Variants in MKRN2OS observed in about 807,000 individuals in gnomAD.
MKRN2OS encodes MKRN2 opposite strand, also known as MKRN2 opposite strand protein.
A neutral mutation model predicts 18.2 loss-of-function variants in MKRN2OS; 17 were observed. The observed-to-expected ratio is 0.93, with a 90% CI of 0.64 to 1.40. The LOEUF is 1.40. MKRN2OS is among the 40% of genes most tolerant of loss of function. The pLI is 0.00. For synonymous variants in MKRN2OS, 121 were observed against 108.5 expected, an observed-to-expected ratio of 1.12 and a Z score of -0.72; for missense variants, 337 against 283.0, an observed-to-expected ratio of 1.19 and a Z score of -1.37.
upstream of MKRN2OS, among the ~76,000 whole-genome samples, chr3:12,548,171 G>A (rs1301414448): frequency 4.6e-5 from 7 of 152,092 alleles, no homozygotes; most frequent in South Asian, 6.2e-4. Flanking sequence ...TTAGCCGGTC[G>A]GGCGCGGTGG....
At chr3:12,544,283 C>G (rs1174088563) in intron 1 of MKRN2OS, among the ~76,000 whole-genome samples, 2 of 152,142 alleles carry the variant, frequency 1.3e-5, no homozygotes, top group Non-Finnish European at 2.9e-5. Flanking sequence ...GAACATATTT[C>G]CTAAAGCATA....
chr3:12,550,039 A>G (rs1331802952), upstream of MKRN2OS, among the ~76,000 whole-genome samples: 1 of 152,214 alleles, frequency 6.6e-6, no homozygotes, highest in Non-Finnish European at 1.5e-5. Context: ...CTGCCAGTTT[A>G]TTACAAAACT....
chr3:12,560,929 C>G (rs544293856), exon 1 of MKRN2OS: 55 of 152,282 alleles, frequency 3.6e-4, no homozygotes, highest in African/African-American at 1.3e-3. Flanking sequence ...GGAGTAAGAT[C>G]AGTATAACAT....
At position 12,545,474 on chromosome 3, in the gene MKRN2OS, C is replaced by G; in HGVS notation, c.-10G>C. ...CCTCTGCGCAGTGCATAGCTTTCGC[C>G]TCCTGGAATGCTAGGGGAGGTTTCC... On this transcript the variant is annotated 5_prime_UTR_variant, in exon 1 of 4. Coordinates refer to ENST00000564146, the MANE Select transcript of MKRN2OS (RefSeq NM_001195279.2). 6.7e-7 allele frequency: 1 copy of G among 1,501,052 alleles called. No homozygotes were observed. Among genetic ancestry groups the G allele is most frequent in the Non-Finnish European group, 8.9e-7 (1 of 1,126,728 alleles). 93.0% of individuals were successfully genotyped at this position (1,501,052 alleles called of 1,614,324 possible). A position where few individuals can be genotyped will look rare whatever the true frequency, so the allele number is the denominator to read the frequency against.
At chr3:12,557,106 C>T in intron 1 of MKRN2OS, 2 of 1,487,810 alleles carry the variant, frequency 1.3e-6, no homozygotes, top group Non-Finnish European at 1.8e-6. Flanking sequence ...GCGGCAGCGG[C>T]TGCGAGAGGC....
At position 12,545,430 on chromosome 3, in the gene MKRN2OS, T is replaced by G; in HGVS notation, c.35A>C (p.Lys12Thr). ...HCAEAGKALI[K>T]FNHCEKYIYS... The stretch of plus-strand genomic sequence containing the variant: ...GATGTATTTCTCACAGTGGTTGAAT[T>G]TAATTAAAGCCTTCCCAGCCTCTGC... The change falls in exon 1 of 4, where the codon AAA becomes ACA. Residue 12 changes from lysine to threonine, a missense_variant. Transcript: ENST00000564146. The G allele has an allele frequency of 6.5e-7, 1 of 1,534,780 alleles. No individual in the cohort carries two copies. The highest frequency in any genetic ancestry group is 8.7e-7 in the Non-Finnish European group (1 of 1,146,428).
chr3:12,552,819 T>C (rs542417391), downstream of MKRN2OS, among the ~76,000 whole-genome samples: 21 of 151,840 alleles, frequency 1.4e-4, no homozygotes, highest in Non-Finnish European at 2.1e-4. Flanking sequence ...GCTCAGGAGT[T>C]TGAAACCAGC....
intron 1 of MKRN2OS, among the ~76,000 whole-genome samples, chr3:12,555,311 CAAAAAA>C (rs35617395): frequency 2.0e-5 from 2 of 98,356 alleles, no homozygotes. Context: ...GACTCCGTCT[CAAAAAA>C]AAAAAAAAAA....
At chr3:12,554,828 A>G (rs927380481) in intron 1 of MKRN2OS, among the ~76,000 whole-genome samples, 1 of 152,198 alleles carries the variant, frequency 6.6e-6, no homozygotes, top group Non-Finnish European at 1.5e-5. Flanking sequence ...AAAGATGTAT[A>G]CAAATTTGAT....
At chr3:12,544,581 C>T (rs1254214449) in intron 1 of MKRN2OS, among the ~76,000 whole-genome samples, 5 of 151,734 alleles carry the variant, frequency 3.3e-5, no homozygotes, top group Non-Finnish European at 1.5e-5. Context: ...GAGCCTGAGG[C>T]AGGCTCCCGA....
intron 1 of MKRN2OS, among the ~76,000 whole-genome samples, chr3:12,544,869 C>T (rs1270388438): frequency 3.3e-5 from 5 of 152,202 alleles, no homozygotes; most frequent in African/African-American, 1.2e-4. Flanking sequence ...GCCCGTTCAT[C>T]GGGCCCTGTA....
At chr3:12,558,224 C>T (rs1011778057) in intron 1 of MKRN2OS, among the ~76,000 whole-genome samples, 1 of 152,176 alleles carries the variant, frequency 6.6e-6, no homozygotes, top group African/African-American at 2.4e-5. Flanking sequence ...TGTACATTTA[C>T]TGTTCAATTT....
chr3:12,546,575 A>ATTTTTTTTTTTTTTTTTTT (rs1160434615), upstream of MKRN2OS, among the ~76,000 whole-genome samples: 13 of 97,102 alleles, frequency 1.3e-4, 1 homozygote, highest in African/African-American at 6.1e-4. Flanking sequence ...GGTACATGGG[A>ATTTTTTTTTTTTTTTTTTT]TTTTTTTTTT....
Position 12,543,244 on chromosome 3 carries a change from G to GT in MKRN2OS, c.219-16dup. 6.6e-7 allele frequency: 1 copy of GT among 1,522,364 alleles called. No homozygotes were observed. Among genetic ancestry groups the GT allele is most frequent in the Admixed American group, 2.1e-5 (1 of 48,346 alleles). The allele number at this position is 1,522,364 out of a possible 1,614,324, so 94.3% of individuals were successfully genotyped here. A position where few individuals can be genotyped will look rare whatever the true frequency, so the allele number is the denominator to read the frequency against. The stretch of plus-strand genomic sequence containing the variant: ...CATCATACTCTCTGAAAGAAACAAG[G>GT]TTTGTTTTTTTTTGGTTTGCATGTA... On this transcript the variant is annotated splice_polypyrimidine_tract_variant and intron_variant, in intron 1 of 3. Coordinates refer to ENST00000564146, the MANE Select transcript of MKRN2OS (RefSeq NM_001195279.2).
chr3:12,548,064 C>T (rs2057899544), upstream of MKRN2OS, among the ~76,000 whole-genome samples: 1 of 152,184 alleles, frequency 6.6e-6, no homozygotes, highest in Non-Finnish European at 1.5e-5. Flanking sequence ...AATCCCAGCA[C>T]TTTGGGAGGC....
At chr3:12,550,756 C>G (rs936239932), downstream of MKRN2OS, among the ~76,000 whole-genome samples, 13 of 152,284 alleles carry the variant, frequency 8.5e-5, no homozygotes, top group African/African-American at 3.1e-4. Context: ...ATTGAGGTTG[C>G]TGCAGGCCGG....
In MKRN2OS at chr3:12,543,215, C is replaced by G. The variant is rs1039257764; in HGVS notation, c.233G>C (p.Arg78Thr). 5.9e-6 allele frequency: 9 copies of G among 1,535,208 alleles called. No individual in the cohort carries two copies. The highest frequency in any genetic ancestry group is 7.8e-6 in the Non-Finnish European group (9 of 1,146,622). Residue 78 changes from arginine (R) to threonine (T), a missense_variant, in exon 2 of 4, where the codon AGG (arginine) becomes ACG (threonine). By Grantham distance (71) the Arg-to-Thr change is moderately conservative. Transcript: ENST00000564146. ...QGTFLREYDG[R>T]SDLHVGITNT... is the part of the protein sequence containing the mutation. Reference sequence around the variant, plus strand: ...AGTTATTCCAACATGAAGATCAGACCTTCCATCATACTCTCTGAAAGAAAC... The same window carrying G: ...AGTTATTCCAACATGAAGATCAGACGTTCCATCATACTCTCTGAAAGAAAC...
At chr3:12,552,455 A>G (rs897484979), downstream of MKRN2OS, among the ~76,000 whole-genome samples, 6 of 146,926 alleles carry the variant, frequency 4.1e-5, no homozygotes, top group Non-Finnish European at 3.0e-5. Context: ...TCTGTCGTCC[A>G]GGCTGGAGTG....
upstream of MKRN2OS, among the ~76,000 whole-genome samples, chr3:12,548,656 T>C (rs2057906560): frequency 6.6e-6 from 1 of 152,044 alleles, no homozygotes; most frequent in Non-Finnish European, 1.5e-5. Context: ...ATAAACCACA[T>C]GGTATTGTTT....
Sources: allele counts gnomAD v4.1 joint callset (sites outside exome capture counted in the v4.1 genomes callset), GRCh38; gene constraint gnomAD v4.1.1; transcripts MANE v1.5; gene names NCBI Gene and HGNC (gene_info 2026-07-23, HGNC 2026-07-21).